Variants in RTRAF observed in about 807,000 individuals in gnomAD.
RTRAF encodes the protein RNA transcription, translation and transport factor, also known as tRNA-splicing ligase complex subunit RTRAF.
RTRAF carries 14 observed loss-of-function variants against 34.4 expected under a neutral mutation model. That is an observed-to-expected ratio of 0.41 (90% CI 0.27 to 0.64). The LOEUF (loss-of-function observed/expected upper bound fraction) is 0.64, where lower values mean the gene tolerates loss of function less well. Among genes scored for constraint, RTRAF ranks in the 30% least tolerant of loss-of-function variants. The pLI, the probability that RTRAF is intolerant of heterozygous loss-of-function variation, is 0.34. For missense variants in RTRAF, 291 were observed against 288.4 expected, an observed-to-expected ratio of 1.01 and a Z score of -0.06; for synonymous variants, 96 against 95.3, an observed-to-expected ratio of 1.01 and a Z score of -0.04.
In RTRAF at chr14:52,006,978, T is replaced by TTACAAA. The variant is rs1890810317; in HGVS notation, c.*2462_*2463insTACAAA. ...GCCTTAGCTTATAAATTATAACATCTGGGTAAATACTTGCCCTTTGTAAGC... is the reference window on the plus strand; with the variant it reads ...GCCTTAGCTTATAAATTATAACATCTTACAAAGGGTAAATACTTGCCCTTTGTAAGC... On this transcript the variant is annotated 3_prime_UTR_variant, in exon 8 of 8. Transcript: ENST00000261700. 4.9e-6 allele frequency: 1 copy of TTACAAA among 203,384 alleles called. No homozygotes were observed. The highest frequency in any genetic ancestry group is 2.3e-5 in the African/African-American group (1 of 42,932). 12.6% of individuals were successfully genotyped at this position (203,384 alleles called of 1,614,324 possible). A position where few individuals can be genotyped will look rare whatever the true frequency, so the allele number is the denominator to read the frequency against.
In RTRAF at chr14:52,005,878, G is replaced by C. The variant is rs760946458; in HGVS notation, c.*1362G>C. 4.0e-6 allele frequency: 6 copies of C among 1,507,078 alleles called. No homozygotes were observed. In the Admixed American group the frequency reaches 1.0e-4, roughly 26 times the overall value. 93.4% of individuals were successfully genotyped at this position (1,507,078 alleles called of 1,614,324 possible). A position where few individuals can be genotyped will look rare whatever the true frequency, so the allele number is the denominator to read the frequency against. ...GTAACAGAAAGGAAGAGTGAATTCA[G>C]GGACAGTCATTTACTAGATAAAGAA... On this transcript the variant is annotated 3_prime_UTR_variant, in exon 8 of 8. Transcript: ENST00000261700.
In RTRAF at chr14:51,989,607, A is replaced by C. The variant is rs367752952; in HGVS notation, c.-33A>C. 18 of 1,581,264 alleles carry C rather than the reference A, an allele frequency of 1.1e-5. No homozygotes were observed. Among genetic ancestry groups the C allele is most frequent in the Middle Eastern group, 1.7e-4 (1 of 6,022 alleles). ...CACCTCGCTTCTTCTCTCCCGGCCG[A>C]GGCCCGGGGGACCAGAGCGAGAAGC... On this transcript the variant is annotated 5_prime_UTR_variant, in exon 1 of 8. Transcript: ENST00000261700.
At position 52,005,486 on chromosome 14, in the gene RTRAF, TTACTTTC is replaced by T. The variant is rs1890734655; in HGVS notation, c.*972_*978del. 1.3e-6 allele frequency: 2 copies of T among 1,597,860 alleles called. No homozygotes were observed. The highest frequency in any genetic ancestry group is 1.4e-5 in the African/African-American group (1 of 74,022). ...CAAGTCTTCCTTTACATTACTGTAC[TTACTTTC>T]TTCCTGTGAGAGAAGAGCAGGGGTG... On this transcript the variant is annotated 3_prime_UTR_variant, in exon 8 of 8. Coordinates refer to ENST00000261700, the MANE Select transcript of RTRAF (RefSeq NM_016039.3).
At chr14:51,995,402 G>C (rs1381620015) in intron 3 of RTRAF, among the ~76,000 whole-genome samples, 4 of 151,900 alleles carry the variant, frequency 2.6e-5, no homozygotes, top group Non-Finnish European at 5.9e-5. Flanking sequence ...TCTCTTATCT[G>C]ATTCTGCTTC....
In RTRAF at chr14:52,004,176, GTCTT is replaced by G. The variant is rs745736589; in HGVS notation, c.532-12_532-9del. 8 of 1,602,660 alleles carry G rather than the reference GTCTT, an allele frequency of 5.0e-6. No individual in the cohort carries two copies. The highest frequency in any genetic ancestry group is 3.4e-5 in the Admixed American group (2 of 59,584). On this transcript the variant is annotated splice_polypyrimidine_tract_variant and intron_variant, in intron 6 of 7. Coordinates refer to ENST00000261700, the MANE Select transcript of RTRAF (RefSeq NM_016039.3). ...TCTTAACCATAAATACTCTCATTTT[GTCTT>G]TCTTTTTTTAAAGGGCTTACCTGTT... is the stretch of plus-strand genomic sequence containing the variant.
Position 51,989,612 on chromosome 14 carries a change from C to A in RTRAF, c.-28C>A. The stretch of plus-strand genomic sequence containing the variant: ...CGCTTCTTCTCTCCCGGCCGAGGCC[C>A]GGGGGACCAGAGCGAGAAGCGGGGA... On this transcript the variant is annotated 5_prime_UTR_variant, in exon 1 of 8. Coordinates refer to ENST00000261700, the MANE Select transcript of RTRAF (RefSeq NM_016039.3). 1.3e-6 allele frequency: 2 copies of A among 1,588,450 alleles called. No individual in the cohort carries two copies. Among genetic ancestry groups the A allele is most frequent in the Non-Finnish European group, 8.6e-7 (1 of 1,168,076 alleles).
Position 52,007,008 on chromosome 14 carries a change from TC to T in RTRAF, c.*2493del, listed in dbSNP as rs1890811972. Reference sequence around the variant, plus strand: ...AAATACTTGCCCTTTGTAAGCTATGTCTATAATTACTGAGGCAACCTTTTAA... The same window carrying T: ...AAATACTTGCCCTTTGTAAGCTATGTTATAATTACTGAGGCAACCTTTTAA... On this transcript the variant is annotated 3_prime_UTR_variant, in exon 8 of 8. Coordinates refer to ENST00000261700, the MANE Select transcript of RTRAF (RefSeq NM_016039.3). 5.9e-6 allele frequency: 1 copy of T among 168,428 alleles called. No homozygotes were observed. Among genetic ancestry groups the T allele is most frequent in the African/African-American group, 2.4e-5 (1 of 41,740 alleles). 10.4% of individuals were successfully genotyped at this position (168,428 alleles called of 1,614,324 possible).
Position 52,006,310 on chromosome 14 carries a change from T to C in RTRAF, c.*1794T>C. On this transcript the variant is annotated 3_prime_UTR_variant, in exon 8 of 8. Coordinates refer to ENST00000261700, the MANE Select transcript of RTRAF (RefSeq NM_016039.3). ...TAGCTTTGCTACTTTTTAAGCTATA[T>C]GTGAGCAATACCATTCGATTTCTGG... 2 of 497,358 alleles carry C rather than the reference T, an allele frequency of 4.0e-6. No homozygotes were observed. Among genetic ancestry groups the C allele is most frequent in the South Asian group, 2.4e-5 (1 of 41,038 alleles). The allele number at this position is 497,358 out of a possible 1,614,324, so 30.8% of individuals were successfully genotyped here.
In RTRAF at chr14:52,006,009, C is replaced by G. The variant is rs1359254432; in HGVS notation, c.*1493C>G. 4 of 614,696 alleles carry G rather than the reference C, an allele frequency of 6.5e-6. No individual in the cohort carries two copies. Among genetic ancestry groups the G allele is most frequent in the Admixed American group, 5.0e-5 (2 of 40,112 alleles). 38.1% of individuals were successfully genotyped at this position (614,696 alleles called of 1,614,324 possible). On this transcript the variant is annotated 3_prime_UTR_variant, in exon 8 of 8. Transcript: ENST00000261700. ...ATACTGAAGTTTGAAGACCATTGCT[C>G]TAAATCCATTGCTCATCTCTAGCTG...
intron 2 of RTRAF, 111 bp from the exon 3 acceptor site, chr14:51,993,612 T>TA: frequency 1.5e-6 from 1 of 657,312 alleles, no homozygotes; most frequent in Non-Finnish European, 2.7e-6. Flanking sequence ...GTAATGTTAT[T>TA]AAAAAATTGT....
chr14:51,991,272 T>C (rs756120494), intron 1 of RTRAF, 45 bp from the exon 2 acceptor site: 1 of 1,582,570 alleles, frequency 6.3e-7, no homozygotes, highest in Non-Finnish European at 8.7e-7. Flanking sequence ...AAGGAGGTAT[T>C]TTATGTAGTG....
At chr14:51,990,655 C>G (rs1890417734) in intron 1 of RTRAF, among the ~76,000 whole-genome samples, 1 of 152,180 alleles carries the variant, frequency 6.6e-6, no homozygotes, top group Non-Finnish European at 1.5e-5. Context: ...GGATTGGAAT[C>G]TTTGAGTCTC....
chr14:51,989,583 A>G lies in RTRAF; in HGVS notation c.-57A>G. On this transcript the variant is annotated 5_prime_UTR_variant, in exon 1 of 8. Transcript: ENST00000261700. Reference sequence around the variant, plus strand: ...CGCCGGTGCCTGCGCCTCCCGCTCCACCTCGCTTCTTCTCTCCCGGCCGAG... The same window carrying G: ...CGCCGGTGCCTGCGCCTCCCGCTCCGCCTCGCTTCTTCTCTCCCGGCCGAG... The G allele has an allele frequency of 2.6e-6, 4 of 1,537,824 alleles. No individual in the cohort carries two copies. Among genetic ancestry groups the G allele is most frequent in the Non-Finnish European group, 2.6e-6 (3 of 1,138,578 alleles).
In RTRAF at chr14:52,004,220, T is replaced by C. The variant is rs373843741; in HGVS notation, c.558T>C (p.His186=). The change falls in exon 7 of 8, where the codon CAT becomes CAC. Residue 186 remains histidine (H), a synonymous_variant. Coordinates refer to ENST00000261700, the MANE Select transcript of RTRAF (RefSeq NM_016039.3). ...KEGLPVALDK[H]ILGFDTGDAV... is the part of the protein sequence containing the mutation. ...GCTTACCTGTTGCTTTAGACAAACA[T>C]ATTCTTGGTTTTGACACAGGAGGTA... 1.2e-6 allele frequency: 2 copies of C among 1,613,412 alleles called. No homozygotes were observed. Among genetic ancestry groups the C allele is most frequent in the Non-Finnish European group, 1.7e-6 (2 of 1,179,564 alleles).
chr14:51,989,799 C>A, intron 1 of RTRAF, 99 bp downstream of exon 1: 1 of 1,287,786 alleles, frequency 7.8e-7, no homozygotes, highest in Non-Finnish European at 1.1e-6. Flanking sequence ...CCCTCGGCGG[C>A]CTGGTTTCCG....
chr14:51,996,947 T>G (rs975885397), intron 3 of RTRAF, among the ~76,000 whole-genome samples: 7 of 152,030 alleles, frequency 4.6e-5, no homozygotes, highest in Non-Finnish European at 1.0e-4. Flanking sequence ...AGAGTGTCCC[T>G]CAATTTGGAT....
In RTRAF at chr14:52,009,766, C is replaced by CAG. The variant is rs1281588050; in HGVS notation, c.*5251_*5252dup. 6.6e-6 allele frequency: 1 copy of CAG among 152,232 alleles called. No homozygotes were observed. 9.4% of individuals were successfully genotyped at this position (152,232 alleles called of 1,614,324 possible). A position where few individuals can be genotyped will look rare whatever the true frequency, so the allele number is the denominator to read the frequency against. On this transcript the variant is annotated 3_prime_UTR_variant, in exon 8 of 8. Transcript: ENST00000261700. ...ATCCCAGCACTTTGGGAGGCCAAGG[C>CAG]AGGTGGATCACCCAGGGTCAGGAGT...
rs772892159 is a variant in RTRAF at position 52,005,678 on chromosome 14, A to G, written c.*1162A>G. ...CAGGCAGCAGGGGTAATCAAATACC[A>G]TATATATCCCTTCTCTACCCTGCTA... On this transcript the variant is annotated 3_prime_UTR_variant, in exon 8 of 8. Transcript: ENST00000261700. The G allele has an allele frequency of 1.1e-5, 16 of 1,443,188 alleles. No homozygotes were observed. Among genetic ancestry groups the G allele is most frequent in the Admixed American group, 1.7e-5 (1 of 59,482 alleles). 89.4% of individuals were successfully genotyped at this position (1,443,188 alleles called of 1,614,324 possible). A position where few individuals can be genotyped will look rare whatever the true frequency, so the allele number is the denominator to read the frequency against.
At chr14:51,997,529 A>T (rs1303814503) in intron 3 of RTRAF, among the ~76,000 whole-genome samples, 1 of 151,920 alleles carries the variant, frequency 6.6e-6, no homozygotes, top group African/African-American at 2.4e-5. Flanking sequence ...AACAGATCCC[A>T]TAAGCACTGT....
Sources: allele counts gnomAD v4.1 joint callset (sites outside exome capture counted in the v4.1 genomes callset), GRCh38; gene constraint gnomAD v4.1.1; transcripts MANE v1.5; gene names NCBI Gene and HGNC (gene_info 2026-07-23, HGNC 2026-07-21).